Variants in RNLS observed in about 807,000 individuals in gnomAD.
RNLS encodes renalase.
In RNLS, 39 loss-of-function variants were observed where a neutral mutation model predicts 39.8. That is an observed-to-expected ratio of 0.98 (90% CI 0.76 to 1.28). The LOEUF is 1.28. Among genes scored for constraint, RNLS ranks in the 50% most tolerant of loss-of-function variants. The pLI, the probability that RNLS is intolerant of heterozygous loss-of-function variation, is 0.00. For synonymous variants in RNLS, 147 were observed against 150.7 expected (o/e 0.98, Z 0.18); for missense variants, 410 against 413.3 (o/e 0.99, Z 0.07).
the RNLS span, among the ~76,000 whole-genome samples, chr10:88,184,215 C>CG: frequency 6.6e-6 from 1 of 152,116 alleles, no homozygotes; most frequent in African/African-American, 2.4e-5. Context: ...CTTCTCTACT[C>CG]ACTCAAGAGC....
At chr10:88,446,850 T>G (rs1022710496) in intron 4 of RNLS, among the ~76,000 whole-genome samples, 4 of 152,208 alleles carry the variant, frequency 2.6e-5, no homozygotes, top group African/African-American at 9.6e-5. Context: ...GATGCAAGGC[T>G]GGTTCAACAT....
intron 5 of RNLS, among the ~76,000 whole-genome samples, chr10:88,320,538 G>C (rs909063065): frequency 6.8e-6 from 1 of 148,148 alleles, no homozygotes; most frequent in Non-Finnish European, 1.5e-5. Flanking sequence ...ACCATCTACT[G>C]TTTTCAAGAG....
intron 6 of RNLS, among the ~76,000 whole-genome samples, chr10:88,307,374 A>T (rs1845002635): frequency 1.3e-5 from 2 of 152,216 alleles, no homozygotes; most frequent in African/African-American, 4.8e-5. Flanking sequence ...AGGAAGAGGA[A>T]GTTGAACTAC....
At chr10:88,572,619 T>C (rs1457958562) in intron 4 of RNLS, among the ~76,000 whole-genome samples, 2 of 152,192 alleles carry the variant, frequency 1.3e-5, no homozygotes, top group African/African-American at 4.8e-5. Flanking sequence ...CAAAAACTGC[T>C]CTTCCTTTAG....
intron 4 of RNLS, among the ~76,000 whole-genome samples, chr10:88,567,073 A>G (rs1327129663): frequency 6.6e-6 from 1 of 152,160 alleles, no homozygotes; most frequent in African/African-American, 2.4e-5. Context: ...AGCAAAATAA[A>G]ATTAAAATGA....
At chr10:88,313,264 C>T (rs558633609) in intron 6 of RNLS, among the ~76,000 whole-genome samples, 3 of 152,194 alleles carry the variant, frequency 2.0e-5, no homozygotes, top group East Asian at 1.9e-4. Context: ...ACCTCATAAA[C>T]GAATGTTTCT....
At chr10:88,458,147 G>C (rs564783343) in intron 4 of RNLS, among the ~76,000 whole-genome samples, 1 of 152,164 alleles carries the variant, frequency 6.6e-6, no homozygotes, top group African/African-American at 2.4e-5. Flanking sequence ...TCCCATCTGG[G>C]TTAGCTTTCC....
chr10:88,444,691 C>G (rs182310195), intron 4 of RNLS, among the ~76,000 whole-genome samples: 1 of 152,076 alleles, frequency 6.6e-6, no homozygotes, highest in East Asian at 1.9e-4. Context: ...CTTCAGTAGC[C>G]GATTCGATCA....
the RNLS span, among the ~76,000 whole-genome samples, chr10:88,223,286 A>C: frequency 1.1e-4 from 17 of 152,382 alleles, no homozygotes; most frequent in East Asian, 5.8e-4. Flanking sequence ...TGAGTTGATA[A>C]GGGACTTTTA....
chr10:88,576,484 G>T (rs1447398681), intron 3 of RNLS, among the ~76,000 whole-genome samples: 2 of 152,132 alleles, frequency 1.3e-5, no homozygotes, highest in Admixed American at 6.5e-5. Context: ...CCACAAATAG[G>T]TTTTAGTGAG....
intron 4 of RNLS, among the ~76,000 whole-genome samples, chr10:88,363,530 C>T (rs1252744489): frequency 6.6e-6 from 1 of 152,008 alleles, no homozygotes; most frequent in Non-Finnish European, 1.5e-5. Flanking sequence ...CAGAAAGATG[C>T]CAATAATTAA....
intron 4 of RNLS, among the ~76,000 whole-genome samples, chr10:88,434,297 G>T (rs1380122561): frequency 6.6e-6 from 1 of 151,964 alleles, no homozygotes; most frequent in African/African-American, 2.4e-5. Context: ...GGTGTGTGTG[G>T]GTGTATTAAC....
the RNLS span, among the ~76,000 whole-genome samples, chr10:88,209,379 C>G: frequency 6.6e-6 from 1 of 152,018 alleles, no homozygotes; most frequent in East Asian, 1.9e-4. Flanking sequence ...CGCACAGAGA[C>G]GAGACATCCA....
downstream of RNLS, among the ~76,000 whole-genome samples, chr10:88,270,161 C>T (rs562928882): frequency 1.2e-4 from 18 of 152,258 alleles, no homozygotes; most frequent in East Asian, 9.6e-4. Flanking sequence ...GAGGAGTAAA[C>T]GAAACAATGA....
At chr10:88,192,221 C>A in the RNLS span, among the ~76,000 whole-genome samples, 3 of 151,722 alleles carry the variant, frequency 2.0e-5, no homozygotes, top group South Asian at 6.2e-4. Context: ...AACATGGACA[C>A]CCCTACGGTG....
intron 5 of RNLS, among the ~76,000 whole-genome samples, chr10:88,344,013 C>A (rs1194948434): frequency 6.6e-6 from 1 of 152,138 alleles, no homozygotes; most frequent in Non-Finnish European, 1.5e-5. Context: ...TATGCAGCCA[C>A]CCCTTATTAT....
chr10:88,419,816 C>A (rs1854281164), intron 4 of RNLS, among the ~76,000 whole-genome samples: 1 of 151,810 alleles, frequency 6.6e-6, no homozygotes, highest in Non-Finnish European at 1.5e-5. Flanking sequence ...ACCAGCTTGG[C>A]CAGCATGGTG....
At chr10:88,409,414 CT>C (rs1423638055) in intron 4 of RNLS, among the ~76,000 whole-genome samples, 1 of 152,048 alleles carries the variant, frequency 6.6e-6, no homozygotes, top group Non-Finnish European at 1.5e-5. Flanking sequence ...TCTGCAAGAG[CT>C]ATCACATATA....
At chr10:88,302,433 A>G (rs1194297846) in intron 6 of RNLS, among the ~76,000 whole-genome samples, 2 of 152,232 alleles carry the variant, frequency 1.3e-5, no homozygotes, top group African/African-American at 2.4e-5. Flanking sequence ...GAACTGGCCA[A>G]TGTCTTTGAA....
Sources: gnomAD v4.1 joint callset for allele counts (sites outside exome capture counted in the v4.1 genomes callset) on GRCh38, gnomAD v4.1.1 for gene constraint, MANE v1.5 for transcripts, NCBI Gene and HGNC (gene_info 2026-07-23, HGNC 2026-07-21) for gene names.